The following CA10 variants were observed in gnomAD, a reference collection of about 807,000 sequenced individuals.
CA10 encodes the protein carbonic anhydrase 10 (inactive), also known as carbonic anhydrase-related protein 10.
In CA10, 14 loss-of-function variants were observed where a neutral mutation model predicts 44.2. The observed-to-expected ratio is 0.32, with a 90% confidence interval of 0.21 to 0.50. The LOEUF (loss-of-function observed/expected upper bound fraction) is 0.50, where lower values mean the gene tolerates loss of function less well. CA10 is among the 20% of genes least tolerant of loss of function. The probability of loss-of-function intolerance (pLI) is 0.99; values close to 1 mark genes in which losing one functional copy is unlikely to be tolerated. For synonymous variants in CA10, 159 were observed against 141.6 expected, an observed-to-expected ratio of 1.12 and a Z score of -0.87; for missense variants, 350 against 409.7, an observed-to-expected ratio of 0.85 and a Z score of 1.26.
At chr17:51,979,317 T>G (rs1598150196) in intron 2 of CA10, among the ~76,000 whole-genome samples, 1 of 152,262 alleles carries the variant, frequency 6.6e-6, no homozygotes, top group East Asian at 1.9e-4. Flanking sequence ...TAATACAAAA[T>G]AAACATCTTA....
chr17:51,887,650 G>A (rs1980669029), intron 3 of CA10, among the ~76,000 whole-genome samples: 1 of 152,110 alleles, frequency 6.6e-6, no homozygotes, highest in South Asian at 2.1e-4. Context: ...CTGGCTTATT[G>A]TGAAGATAAA....
intron 2 of CA10, among the ~76,000 whole-genome samples, chr17:51,962,218 C>T (rs1983918820): frequency 6.6e-6 from 1 of 152,252 alleles, no homozygotes; most frequent in Non-Finnish European, 1.5e-5. Flanking sequence ...CTGGAGCACA[C>T]ACTTTCCTGA....
At chr17:52,103,135 G>A (rs987146879) in intron 1 of CA10, among the ~76,000 whole-genome samples, 9 of 152,176 alleles carry the variant, frequency 5.9e-5, no homozygotes, top group Non-Finnish European at 1.3e-4. Flanking sequence ...ATCAGAGTCT[G>A]AGGGTTATAC....
chr17:51,849,261 AT>A (rs1567860555), intron 3 of CA10, among the ~76,000 whole-genome samples: 40 of 137,398 alleles, frequency 2.9e-4, no homozygotes, highest in African/African-American at 1.0e-3. Flanking sequence ...ATATATATAT[AT>A]ATAAAACTAA....
chr17:52,039,524 A>AC (rs1488864019), intron 2 of CA10, among the ~76,000 whole-genome samples: 3 of 152,096 alleles, frequency 2.0e-5, no homozygotes, highest in African/African-American at 7.2e-5. Context: ...CATCTCTGCT[A>AC]CCCATATATC....
intron 3 of CA10, among the ~76,000 whole-genome samples, chr17:51,852,245 C>T (rs1978828846): frequency 6.6e-6 from 1 of 152,124 alleles, no homozygotes; most frequent in Admixed American, 6.5e-5. Context: ...GACCACAGCC[C>T]AGTTCCGTTC....
intron 1 of CA10, among the ~76,000 whole-genome samples, chr17:52,110,745 C>A (rs74608640): frequency 6.6e-6 from 1 of 152,146 alleles, no homozygotes; most frequent in Non-Finnish European, 1.5e-5. Flanking sequence ...TATCCTCCCC[C>A]CATTCAAACC....
At chr17:51,727,819 G>A (rs1486300880) in intron 4 of CA10, among the ~76,000 whole-genome samples, 3 of 151,860 alleles carry the variant, frequency 2.0e-5, no homozygotes, top group African/African-American at 7.3e-5. Context: ...GACAGACGAT[G>A]CCCCTGTTAT....
In CA10 at chr17:51,819,885, CCT is replaced by C. The variant is rs758204864; in HGVS notation, c.280-72069_280-72068del. Among the ~76,000 whole-genome samples the C allele has an allele frequency of 3.3e-5, 5 of 152,096 alleles. No individual in the cohort carries two copies. The East Asian group carries it at 9.6e-4, about 29-fold the overall frequency. The stretch of plus-strand genomic sequence containing the variant: ...TGCTCTCTGTCTCTGTCTTTCTCTC[CCT>C]CTGTTTCTCGATTTCTCTGTCTCTG... On this transcript the variant is annotated intron_variant, in intron 3 of 8. Coordinates refer to ENST00000451037, the MANE Select transcript of CA10 (RefSeq NM_020178.5).
intron 2 of CA10, among the ~76,000 whole-genome samples, chr17:51,978,735 T>C (rs1984548766): frequency 1.3e-5 from 2 of 152,082 alleles, no homozygotes; most frequent in African/African-American, 2.4e-5. Flanking sequence ...GCCTTTGCAA[T>C]GTAAAGCTAT....
chr17:52,051,166 A>AAAAGAAAC (rs1298652085), intron 2 of CA10, among the ~76,000 whole-genome samples: 4 of 151,820 alleles, frequency 2.6e-5, no homozygotes, highest in Non-Finnish European at 2.9e-5. Context: ...GAGAGAGAAG[A>AAAAGAAAC]AAAGAAACAA....
intron 3 of CA10, among the ~76,000 whole-genome samples, chr17:51,767,755 T>C (rs770238867): frequency 6.6e-6 from 1 of 151,116 alleles, no homozygotes. Flanking sequence ...GATGGTCCCA[T>C]CTGGGGGTGA....
intron 1 of CA10, among the ~76,000 whole-genome samples, chr17:52,143,524 G>A (rs899119531): frequency 1.3e-5 from 2 of 152,108 alleles, no homozygotes; most frequent in African/African-American, 4.8e-5. Context: ...TAAAAAAAGA[G>A]AGGTTATAAA....
At chr17:51,746,219 T>C (rs1904681934) in intron 4 of CA10, among the ~76,000 whole-genome samples, 1 of 152,228 alleles carries the variant, frequency 6.6e-6, no homozygotes, top group African/African-American at 2.4e-5. Context: ...CACACTGCCC[T>C]GACATGCCTC....
At chr17:52,146,671 AAAAT>A (rs138199238) in intron 1 of CA10, among the ~76,000 whole-genome samples, 32,747 of 149,372 alleles carry the variant, frequency 0.22, 4,453 homozygotes, top group African/African-American at 0.39. Context: ...ACTCCGTCTC[AAAAT>A]AAATAAATAA....
At chr17:51,649,149 T>C (rs768858501) in intron 6 of CA10, 33 bp downstream of exon 6, 6 of 1,505,514 alleles carry the variant, frequency 4.0e-6, no homozygotes, top group Non-Finnish European at 5.5e-6. Context: ...CTTTATAGAA[T>C]AGTTGCTGTG....
intron 4 of CA10, among the ~76,000 whole-genome samples, chr17:51,741,586 G>T (rs1904462316): frequency 6.6e-6 from 1 of 152,192 alleles, no homozygotes; most frequent in Admixed American, 6.5e-5. Context: ...TTTGTTCCTG[G>T]GACACAAATG....
intron 4 of CA10, among the ~76,000 whole-genome samples, chr17:51,724,020 C>A (rs968211880): frequency 6.6e-6 from 1 of 151,762 alleles, no homozygotes; most frequent in African/African-American, 2.4e-5. Context: ...GATGAACAGG[C>A]CTGACAAATA....
At chr17:51,921,313 A>T (rs62070771) in intron 3 of CA10, among the ~76,000 whole-genome samples, 1 of 152,060 alleles carries the variant, frequency 6.6e-6, no homozygotes, top group Admixed American at 6.6e-5. Context: ...GGTCTCCATG[A>T]AACAGAAGGT....
Sources: allele counts gnomAD v4.1 joint callset (sites outside exome capture counted in the v4.1 genomes callset), GRCh38; gene constraint gnomAD v4.1.1; transcripts MANE v1.5; gene names NCBI Gene and HGNC (gene_info 2026-07-23, HGNC 2026-07-21).